EYA2: variants seen among roughly 807,000 people sequenced by gnomAD.
EYA2 encodes EYA transcriptional coactivator and phosphatase 2, also known as protein phosphatase EYA2.
Under a neutral mutation model 69.2 loss-of-function variants are expected in EYA2, and 31 were observed. That is an observed-to-expected ratio of 0.45 (90% CI 0.34 to 0.60). EYA2 has a LOEUF of 0.60. Among genes scored for constraint, EYA2 ranks in the 20% least tolerant of loss-of-function variants. EYA2 has a pLI of 0.02. For missense variants in EYA2, 622 were observed against 701.2 expected (o/e 0.89, Z 1.28); for synonymous variants, 257 against 279.4 (o/e 0.92, Z 0.80).
intron 10 of EYA2, among the ~76,000 whole-genome samples, chr20:47,159,048 G>A (rs181905103): frequency 2.1e-4 from 32 of 152,088 alleles, no homozygotes; most frequent in African/African-American, 7.2e-4. Flanking sequence ...AATAAGTGGG[G>A]AGACTAAACA....
chr20:47,074,406 A>G, intron 7 of EYA2, 71 bp downstream of exon 7: 1 of 1,465,488 alleles, frequency 6.8e-7, no homozygotes, highest in Non-Finnish European at 9.4e-7. Flanking sequence ...GGACCCGCAC[A>G]TGGGTCCCAA....
intron 5 of EYA2, among the ~76,000 whole-genome samples, chr20:47,031,320 C>T (rs972108123): frequency 2.0e-5 from 3 of 152,106 alleles, no homozygotes; most frequent in Admixed American, 6.5e-5. Context: ...GGCCGGTGCT[C>T]AGGCACCGGG....
chr20:47,140,704 T>C (rs914084372), intron 9 of EYA2, among the ~76,000 whole-genome samples: 1 of 152,220 alleles, frequency 6.6e-6, no homozygotes, highest in African/African-American at 2.4e-5. Context: ...TGCCTCCATT[T>C]TCTCATCTAT....
chr20:47,185,276 C>CTTT (rs765083065), intron 15 of EYA2, among the ~76,000 whole-genome samples: 568 of 55,926 alleles, frequency 0.01, 86 homozygotes, highest in East Asian at 0.016. Flanking sequence ...GAATCACACT[C>CTTT]TTTTTTTTTT....
intron 1 of EYA2, among the ~76,000 whole-genome samples, chr20:46,905,764 C>G (rs1984321480): frequency 6.6e-6 from 1 of 152,104 alleles, no homozygotes; most frequent in African/African-American, 2.4e-5. Context: ...CCCTCTGAGC[C>G]CCAATCTCCT....
chr20:47,157,153 G>A (rs1037500728), intron 10 of EYA2, among the ~76,000 whole-genome samples: 3 of 151,620 alleles, frequency 2.0e-5, no homozygotes, highest in Non-Finnish European at 4.4e-5. Flanking sequence ...TCAGGAGTTC[G>A]AGACCAGACT....
In EYA2 at chr20:47,078,536, C is replaced by T. The variant is rs151245107; in HGVS notation, c.661+4201C>T. Reference sequence around the variant, plus strand: ...ATTTTGGTGCTCTCACCACTCACATCCCCCATGCACCCCATCCTCGCCACA... The same window carrying T: ...ATTTTGGTGCTCTCACCACTCACATTCCCCATGCACCCCATCCTCGCCACA... On this transcript the variant is annotated intron_variant, in intron 7 of 15. Coordinates refer to ENST00000327619, the MANE Select transcript of EYA2 (RefSeq NM_005244.5). 2.6e-3 allele frequency among the ~76,000 whole-genome samples: 395 copies of T among 152,316 alleles called. 1 individual carries two copies. The highest frequency in any genetic ancestry group is 6.8e-3 in the Middle Eastern group (2 of 294).
At chr20:47,059,982 G>A (rs1424543260) in intron 5 of EYA2, among the ~76,000 whole-genome samples, 1 of 152,142 alleles carries the variant, frequency 6.6e-6, no homozygotes. Context: ...ACACAGTTTT[G>A]TTTATTTTGT....
rs565329120 is a variant in EYA2 at position 47,159,491 on chromosome 20, A to C, written c.979-9648A>C. On this transcript the variant is annotated intron_variant, in intron 10 of 15. Coordinates refer to ENST00000327619, the MANE Select transcript of EYA2 (RefSeq NM_005244.5). ...GACAACTACGTGTCATGTGATATCC[A>C]CCTTGGATCCTGAAACAGTCCAAGA... is the stretch of plus-strand genomic sequence containing the variant. Among the ~76,000 whole-genome samples the C allele has an allele frequency of 7.9e-4, 120 of 152,174 alleles. 1 individual carries two copies. Among genetic ancestry groups the C allele is most frequent in the African/African-American group, 2.7e-3 (113 of 41,600 alleles).
At chr20:47,030,306 C>T (rs1984333211) in intron 5 of EYA2, among the ~76,000 whole-genome samples, 1 of 152,242 alleles carries the variant, frequency 6.6e-6, no homozygotes, top group Non-Finnish European at 1.5e-5. Flanking sequence ...ATAAAAGTGT[C>T]CCCATGAATT....
At chr20:46,981,589 CAG>C (rs1214680615) in intron 1 of EYA2, among the ~76,000 whole-genome samples, 2 of 152,206 alleles carry the variant, frequency 1.3e-5, no homozygotes, top group Admixed American at 6.5e-5. Flanking sequence ...CTAGGTCTAA[CAG>C]AGCCCTAGAA....
intron 10 of EYA2, chr20:47,161,014 A>G: frequency 3.1e-6 from 1 of 327,072 alleles, no homozygotes; most frequent in Non-Finnish European, 5.8e-6. Context: ...GATAGCATCA[A>G]AGGTGGCCTT....
intron 1 of EYA2, among the ~76,000 whole-genome samples, chr20:46,986,427 AATAT>A (rs1487003194): frequency 2.2e-5 from 2 of 90,226 alleles, no homozygotes; most frequent in East Asian, 5.1e-4. Flanking sequence ...CTATATATAT[AATAT>A]ATAATATATC....
intron 1 of EYA2, among the ~76,000 whole-genome samples, chr20:46,921,200 G>T (rs1412749653): frequency 6.6e-6 from 1 of 152,248 alleles, no homozygotes; most frequent in Non-Finnish European, 1.5e-5. Context: ...CCAGCAATGC[G>T]CCGGCCCTCG....
At chr20:46,954,171 C>T (rs764282024) in intron 1 of EYA2, among the ~76,000 whole-genome samples, 3 of 152,138 alleles carry the variant, frequency 2.0e-5, no homozygotes, top group Admixed American at 6.5e-5. Flanking sequence ...TCACCTCCTC[C>T]GAGAGGCCTT....
intron 5 of EYA2, among the ~76,000 whole-genome samples, chr20:47,026,514 CAAAA>C (rs531562167): frequency 1.3e-5 from 2 of 148,540 alleles, no homozygotes; most frequent in African/African-American, 2.5e-5. Context: ...AGCAAACAAA[CAAAA>C]AAAAAGAAAA....
chr20:47,035,933 C>T (rs2146405836), intron 5 of EYA2, among the ~76,000 whole-genome samples: 1 of 152,180 alleles, frequency 6.6e-6, no homozygotes, highest in African/African-American at 2.4e-5. Flanking sequence ...ATCACTTGAG[C>T]CTGGGCAGTC....
chr20:46,992,165 T>TC (rs1343941205), intron 2 of EYA2, among the ~76,000 whole-genome samples: 1 of 152,132 alleles, frequency 6.6e-6, no homozygotes, highest in African/African-American at 2.4e-5. Context: ...TTCATTCTCC[T>TC]CCTCCCTCCC....
intron 1 of EYA2, among the ~76,000 whole-genome samples, chr20:46,940,290 C>G (rs746359358): frequency 6.6e-6 from 1 of 152,212 alleles, no homozygotes; most frequent in Non-Finnish European, 1.5e-5. Context: ...CACACATCAA[C>G]TCACATAATA....
Sources: allele counts gnomAD v4.1 joint callset (sites outside exome capture counted in the v4.1 genomes callset), GRCh38; gene constraint gnomAD v4.1.1; transcripts MANE v1.5; gene names NCBI Gene and HGNC (gene_info 2026-07-23, HGNC 2026-07-21).